Variants in PRKG1 observed in about 807,000 individuals in gnomAD.
PRKG1 encodes the protein protein kinase cGMP-dependent 1.
In PRKG1, 35 loss-of-function variants were observed where a neutral mutation model predicts 88.1. That is an observed-to-expected ratio of 0.40 (90% confidence interval 0.30 to 0.53). The LOEUF (loss-of-function observed/expected upper bound fraction) is 0.53, where lower values mean the gene tolerates loss of function less well. Among genes scored for constraint, PRKG1 ranks in the 20% least tolerant of loss-of-function variants. The pLI is 0.59. For missense variants in PRKG1, 540 were observed against 839.8 expected (o/e 0.64, Z 4.41); for synonymous variants, 303 against 292.5 (o/e 1.04, Z -0.37).
intron 5 of PRKG1, among the ~76,000 whole-genome samples, chr10:51,996,518 A>G (rs1361912630): frequency 1.3e-5 from 2 of 152,134 alleles, no homozygotes; most frequent in Non-Finnish European, 2.9e-5. Flanking sequence ...GCCAAAAGGT[A>G]TATGAAATGA....
chr10:52,074,507 G>A (rs938704451), intron 7 of PRKG1, among the ~76,000 whole-genome samples: 1 of 152,070 alleles, frequency 6.6e-6, no homozygotes, highest in African/African-American at 2.4e-5. Context: ...CCCTTCAGGT[G>A]CCACAAGATA....
intron 4 of PRKG1, among the ~76,000 whole-genome samples, chr10:51,819,993 T>C (rs1839700788): frequency 6.6e-6 from 1 of 152,136 alleles, no homozygotes. Flanking sequence ...AAATAGCTTT[T>C]TTAAAAAAGA....
At chr10:51,402,176 A>C (rs991889901) in intron 2 of PRKG1, among the ~76,000 whole-genome samples, 1 of 152,250 alleles carries the variant, frequency 6.6e-6, no homozygotes, top group South Asian at 2.1e-4. Flanking sequence ...AAAGAAAACA[A>C]GTAATTGTTA....
At chr10:51,031,777 C>T (rs551151294) in intron 1 of PRKG1, among the ~76,000 whole-genome samples, 11 of 152,206 alleles carry the variant, frequency 7.2e-5, no homozygotes, top group South Asian at 4.1e-4. Flanking sequence ...TTCTTGTTCA[C>T]GCAGGATTAT....
At chr10:51,275,731 A>C (rs1191269526) in intron 2 of PRKG1, among the ~76,000 whole-genome samples, 1 of 152,190 alleles carries the variant, frequency 6.6e-6, no homozygotes, top group East Asian at 1.9e-4. Context: ...ACTTTCAAAA[A>C]CAACCAGAGT....
At chr10:51,002,103 A>G (rs1002324071) in intron 1 of PRKG1, among the ~76,000 whole-genome samples, 2 of 152,018 alleles carry the variant, frequency 1.3e-5, no homozygotes, top group Admixed American at 6.6e-5. Flanking sequence ...AATTCCTAAA[A>G]CCCCTATGAG....
At chr10:51,834,068 T>C (rs1840067992) in intron 4 of PRKG1, among the ~76,000 whole-genome samples, 1 of 152,140 alleles carries the variant, frequency 6.6e-6, no homozygotes, top group Admixed American at 6.6e-5. Flanking sequence ...TAGTATTCCA[T>C]TGTGTATAGG....
intron 4 of PRKG1, among the ~76,000 whole-genome samples, chr10:51,808,963 T>A (rs1323931724): frequency 1.3e-5 from 2 of 152,208 alleles, no homozygotes; most frequent in African/African-American, 4.8e-5. Flanking sequence ...CTCTCTATAA[T>A]TTCTTATCTT....
intron 9 of PRKG1, among the ~76,000 whole-genome samples, chr10:52,172,935 G>A (rs946851083): frequency 9.9e-5 from 15 of 152,206 alleles, no homozygotes; most frequent in African/African-American, 3.6e-4. Context: ...TTCCCAAACT[G>A]TAAAAATAGC....
chr10:52,080,086 G>C (rs1240375117), intron 7 of PRKG1, among the ~76,000 whole-genome samples: 1 of 152,108 alleles, frequency 6.6e-6, no homozygotes, highest in Admixed American at 6.5e-5. Flanking sequence ...CTACTTCTTT[G>C]GCTTTATCTA....
chr10:51,136,487 C>T (rs1290834778), intron 1 of PRKG1, among the ~76,000 whole-genome samples: 1 of 148,390 alleles, frequency 6.7e-6, no homozygotes, highest in African/African-American at 2.5e-5. Flanking sequence ...GAATAGAGCC[C>T]TGGGATCTAA....
intron 3 of PRKG1, among the ~76,000 whole-genome samples, chr10:51,547,940 A>T (rs1367000301): frequency 6.6e-6 from 1 of 152,142 alleles, no homozygotes; most frequent in Admixed American, 6.6e-5. Context: ...GCACATCTTA[A>T]TTATTAAGGC....
chr10:51,904,003 G>A (rs1374960364), intron 4 of PRKG1, among the ~76,000 whole-genome samples: 1 of 152,084 alleles, frequency 6.6e-6, no homozygotes, highest in East Asian at 1.9e-4. Flanking sequence ...CTGGCAAATA[G>A]AAACTACTCA....
At chr10:51,820,289 A>G (rs898843294) in intron 4 of PRKG1, among the ~76,000 whole-genome samples, 8 of 152,144 alleles carry the variant, frequency 5.3e-5, no homozygotes, top group African/African-American at 1.9e-4. Flanking sequence ...TAATATTAAA[A>G]TTTTCCAAAC....
chr10:51,823,170 A>T (rs2339861), intron 4 of PRKG1, among the ~76,000 whole-genome samples: 1 of 152,102 alleles, frequency 6.6e-6, no homozygotes, highest in Non-Finnish European at 1.5e-5. Context: ...AACTGTTAGG[A>T]ATGTATAAGG....
intron 3 of PRKG1, chr10:51,698,261 G>A (rs761490173): frequency 6.2e-7 from 1 of 1,613,994 alleles, no homozygotes; most frequent in South Asian, 1.1e-5. Context: ...CATTACACGT[G>A]TCTCTAAGAC....
intron 7 of PRKG1, among the ~76,000 whole-genome samples, chr10:52,098,971 C>G (rs1374586953): frequency 6.6e-6 from 1 of 152,210 alleles, no homozygotes; most frequent in African/African-American, 2.4e-5. Context: ...AAGCAATTCA[C>G]TCCAGGGAGA....
In PRKG1 at chr10:50,991,365, G is replaced by A; in HGVS notation, c.-14G>A. On this transcript the variant is annotated 5_prime_UTR_variant, in exon 1 of 18. Transcript: ENST00000401604. This position sits in a 1 kb window ranked among gnomAD's most constrained non-coding sequence, Gnocchi z 4.5. The stretch of plus-strand genomic sequence containing the variant: ...CGCCCGAGAAAAAGTTTCGCGGAGG[G>A]GCTCAGTGAAAAAATGAGCGAGCTA... 2 of 1,516,540 alleles carry A rather than the reference G, an allele frequency of 1.3e-6. 1 individual carries two copies. The highest frequency in any genetic ancestry group is 2.5e-5 in the South Asian group (2 of 80,654). 93.9% of individuals were successfully genotyped at this position (1,516,540 alleles called of 1,614,324 possible). A position where few individuals can be genotyped will look rare whatever the true frequency, so the allele number is the denominator to read the frequency against.
chr10:51,624,701 A>T (rs1000618677), intron 3 of PRKG1, among the ~76,000 whole-genome samples: 3 of 152,262 alleles, frequency 2.0e-5, no homozygotes, highest in Non-Finnish European at 4.4e-5. Context: ...GTGAATAATT[A>T]AAAAATGTTG....
Sources: gnomAD v4.1 joint callset for allele counts (sites outside exome capture counted in the v4.1 genomes callset) on GRCh38, gnomAD v4.1.1 for gene constraint, Gnocchi (gnomAD v3.1) non-coding constraint, MANE v1.5 for transcripts, NCBI Gene and HGNC (gene_info 2026-07-23, HGNC 2026-07-21) for gene names.